VPS41: variants seen among roughly 807,000 people sequenced by gnomAD.
VPS41 encodes VPS41 subunit of HOPS complex, also known as vacuolar protein sorting-associated protein 41 homolog.
VPS41 carries 85 observed loss-of-function variants against 130.9 expected under a neutral mutation model. The observed-to-expected ratio is 0.65, with a 90% confidence interval of 0.55 to 0.78. The LOEUF is 0.78. VPS41 is among the 30% of genes least tolerant of loss of function. VPS41 has a pLI of 0.00. For missense variants in VPS41, 874 were observed against 1,018.7 expected, an observed-to-expected ratio of 0.86 and a Z score of 1.93; for synonymous variants, 335 against 332.9, an observed-to-expected ratio of 1.01 and a Z score of -0.07.
intron 7 of VPS41, among the ~76,000 whole-genome samples, chr7:38,814,133 C>T (rs997856666): frequency 2.0e-5 from 3 of 152,332 alleles, no homozygotes; most frequent in African/African-American, 7.2e-5. Flanking sequence ...ACTCAATGGA[C>T]TCTGACCCAG....
At chr7:38,840,247 C>T (rs1554294826) in intron 4 of VPS41, among the ~76,000 whole-genome samples, 1 of 152,138 alleles carries the variant, frequency 6.6e-6, no homozygotes, top group Non-Finnish European at 1.5e-5. Flanking sequence ...AAAAAGTAAA[C>T]TGTTGTTATG....
chr7:38,905,843 G>C (rs1284738390), intron 1 of VPS41, among the ~76,000 whole-genome samples: 1 of 152,018 alleles, frequency 6.6e-6, no homozygotes, highest in Non-Finnish European at 1.5e-5. Context: ...ACCCAGGCTG[G>C]AGTGCAATGG....
intron 4 of VPS41, among the ~76,000 whole-genome samples, chr7:38,840,656 T>C (rs973034662): frequency 5.9e-5 from 9 of 152,176 alleles, no homozygotes; most frequent in Admixed American, 5.9e-4. Context: ...AAACATATAA[T>C]GAAAAACTAG....
intron 7 of VPS41, among the ~76,000 whole-genome samples, chr7:38,812,049 C>T (rs1355960199): frequency 6.6e-6 from 1 of 152,018 alleles, no homozygotes; most frequent in Non-Finnish European, 1.5e-5. Context: ...ATATCAAATG[C>T]ATTTTTGACT....
intron 1 of VPS41, among the ~76,000 whole-genome samples, chr7:38,903,040 C>T (rs112147734): frequency 3.3e-4 from 51 of 152,312 alleles, no homozygotes; most frequent in Non-Finnish European, 5.1e-4. Flanking sequence ...ATTCTTCCTC[C>T]TCCATATGTT....
At chr7:38,748,215 G>T (rs1271804390) in intron 22 of VPS41, among the ~76,000 whole-genome samples, 1 of 152,054 alleles carries the variant, frequency 6.6e-6, no homozygotes, top group Non-Finnish European at 1.5e-5. Flanking sequence ...CAACACATGC[G>T]CGCGCGTGCG....
intron 1 of VPS41, among the ~76,000 whole-genome samples, chr7:38,899,492 G>C (rs929577562): frequency 1.3e-5 from 2 of 152,180 alleles, no homozygotes; most frequent in African/African-American, 4.8e-5. Context: ...CACCATCACA[G>C]TTCCTGGTTT....
intron 4 of VPS41, among the ~76,000 whole-genome samples, chr7:38,849,611 C>T (rs188982901): frequency 3.3e-5 from 5 of 152,300 alleles, no homozygotes; most frequent in Admixed American, 6.5e-5. Context: ...GGCCTACCAG[C>T]GTGCCGGTGT....
chr7:38,772,415 G>T, intron 13 of VPS41, 107 bp downstream of exon 13: 1 of 751,866 alleles, frequency 1.3e-6, no homozygotes, highest in Non-Finnish European at 2.0e-6. Flanking sequence ...TTTTGGCTTG[G>T]GAAACTCTAC....
At chr7:38,876,748 C>G (rs1015281188) in intron 2 of VPS41, among the ~76,000 whole-genome samples, 5 of 152,138 alleles carry the variant, frequency 3.3e-5, no homozygotes, top group Non-Finnish European at 7.4e-5. Flanking sequence ...TTAAGATTCA[C>G]AAGATATGCA....
chr7:38,805,236 C>T (rs142143334), intron 7 of VPS41, among the ~76,000 whole-genome samples: 1 of 152,100 alleles, frequency 6.6e-6, no homozygotes, highest in African/African-American at 2.4e-5. Context: ...GCCCTTCACA[C>T]AATTCAAAGT....
At chr7:38,777,459 C>G (rs1784280639) in intron 10 of VPS41, among the ~76,000 whole-genome samples, 1 of 152,046 alleles carries the variant, frequency 6.6e-6, no homozygotes, top group Admixed American at 6.6e-5. Context: ...AAAGATCTGA[C>G]AGAAAGCTCA....
At position 38,772,550 on chromosome 7, in the gene VPS41, T is replaced by C. The variant is rs1299955760; in HGVS notation, c.1100A>G (p.Asp367Gly). The change falls in exon 13 of 29, where the codon GAC (aspartate) becomes GGC (glycine). Residue 367 changes from aspartate to glycine, a missense_variant. By Grantham distance (94) the Asp-to-Gly change is moderately conservative. Transcript: ENST00000310301. The stretch of plus-strand genomic sequence containing the variant: ...ATATTTCTTCTTTTCAAGGAGCCAG[T>C]CAATGTGATCATCTTGGTCTCGTTC... ...AKERDQDDHIDWLLEKKKYEE... is the reference protein window; with the variant it reads ...AKERDQDDHIGWLLEKKKYEE... 3 of 1,613,230 alleles carry C rather than the reference T, an allele frequency of 1.9e-6. No individual in the cohort carries two copies. Among genetic ancestry groups the C allele is most frequent in the Non-Finnish European group, 8.5e-7 (1 of 1,179,416 alleles).
At chr7:38,841,537 C>T (rs958643614) in intron 4 of VPS41, among the ~76,000 whole-genome samples, 2 of 152,216 alleles carry the variant, frequency 1.3e-5, no homozygotes. Flanking sequence ...CTTTCTGGCA[C>T]CTGAAACTCT....
chr7:38,748,197 GAC>G (rs1796023864), intron 22 of VPS41, among the ~76,000 whole-genome samples: 1 of 152,286 alleles, frequency 6.6e-6, no homozygotes, highest in African/African-American at 2.4e-5. Context: ...TTTTAAAGTA[GAC>G]ACACACAACA....
intron 13 of VPS41, 53 bp downstream of exon 13, chr7:38,772,469 C>A: frequency 8.3e-7 from 1 of 1,201,316 alleles, no homozygotes; most frequent in South Asian, 1.4e-5. Context: ...TTTATCTTCT[C>A]TCTCTATGCT....
In VPS41 at chr7:38,727,164, A is replaced by C. The variant is rs7803132; in HGVS notation, c.2405-176T>G. ...TGGTATGATCAGACACAAAACAGGT[A>C]TTATAATCATGTTGCTATGCGATTC... is the stretch of plus-strand genomic sequence containing the variant. On this transcript the variant is annotated intron_variant, in intron 27 of 28. Transcript: ENST00000310301. 0.33 allele frequency: 155,906 copies of C among 471,964 alleles called. 29,777 individuals are homozygous for C. Among genetic ancestry groups the C allele is most frequent in the Non-Finnish European group, 0.4 (111,746 of 276,254 alleles). The allele number at this position is 471,964 out of a possible 1,614,324, so 29.2% of individuals were successfully genotyped here.
intron 25 of VPS41, among the ~76,000 whole-genome samples, chr7:38,736,754 G>A (rs1259090811): frequency 6.6e-6 from 1 of 152,206 alleles, no homozygotes; most frequent in Non-Finnish European, 1.5e-5. Flanking sequence ...ATAGAAAGGA[G>A]GATGAGAATC....
chr7:38,788,447 G>T (rs1784479151), intron 10 of VPS41, among the ~76,000 whole-genome samples: 1 of 152,170 alleles, frequency 6.6e-6, no homozygotes, highest in South Asian at 2.1e-4. Flanking sequence ...GTTTATGTAA[G>T]CAGCACAATG....
Sources: allele counts gnomAD v4.1 joint callset (sites outside exome capture counted in the v4.1 genomes callset), GRCh38; gene constraint gnomAD v4.1.1; transcripts MANE v1.5; gene names NCBI Gene and HGNC (gene_info 2026-07-23, HGNC 2026-07-21).